The following DIS3L variants were observed in gnomAD, a reference collection of about 807,000 sequenced individuals.
DIS3L encodes the protein DIS3-like exonuclease 1.
Under a neutral mutation model 120.3 loss-of-function variants are expected in DIS3L, and 100 were observed. The ratio of observed to expected loss-of-function variants is 0.83; its 90% CI spans 0.71 to 0.98. The LOEUF (loss-of-function observed/expected upper bound fraction) is 0.98. DIS3L is among the 50% of genes least tolerant of loss of function. The probability of loss-of-function intolerance (pLI) is 0.00; values close to 1 mark genes in which losing one functional copy is unlikely to be tolerated. For synonymous variants in DIS3L, 426 were observed against 470.6 expected, an observed-to-expected ratio of 0.91 and a Z score of 1.23; for missense variants, 1,196 against 1,314.2, an observed-to-expected ratio of 0.91 and a Z score of 1.39.
rs915607458 is a variant in DIS3L at position 66,333,375 on chromosome 15, A to G, written c.*63A>G. 9.4e-6 allele frequency: 14 copies of G among 1,486,548 alleles called. No individual in the cohort carries two copies. Among genetic ancestry groups the G allele is most frequent in the Non-Finnish European group, 1.3e-5 (14 of 1,103,408 alleles). The allele number at this position is 1,486,548 out of a possible 1,614,324, so 92.1% of individuals were successfully genotyped here. A position where few individuals can be genotyped will look rare whatever the true frequency, so the allele number is the denominator to read the frequency against. On this transcript the variant is annotated 3_prime_UTR_variant, in exon 17 of 17. Transcript: ENST00000319212. The stretch of plus-strand genomic sequence containing the variant: ...GTTTTACAGTCTTTTCAAACTTAAC[A>G]TTTAATGTGTGTCACTCAGTGCTCT...
At chr15:66,300,855 G>A (rs59555233) in intron 2 of DIS3L, among the ~76,000 whole-genome samples, 2,487 of 152,318 alleles carry the variant, frequency 0.016, 65 homozygotes, top group African/African-American at 0.056. Context: ...GAAGGCAGTC[G>A]TTCAGATGGC....
intron 12 of DIS3L, among the ~76,000 whole-genome samples, chr15:66,327,523 C>A (rs183640854): frequency 1.3e-5 from 2 of 151,412 alleles, no homozygotes; most frequent in Non-Finnish European, 2.9e-5. Flanking sequence ...TTTGGGAGGC[C>A]GAGGCGGGCA....
At position 66,329,221 on chromosome 15, in the gene DIS3L, G is replaced by T. The variant is rs768398552; in HGVS notation, c.2357G>T (p.Gly786Val). 1.9e-6 allele frequency: 3 copies of T among 1,597,064 alleles called. No homozygotes were observed. The African/African-American group carries it at 4.1e-5, about 22-fold the overall frequency. ...TTGATCTTTTGCTTTCTTTTTGAAGGTCTTGCATTAGATAAATATACCCAC... is the reference window on the plus strand; with the variant it reads ...TTGATCTTTTGCTTTCTTTTTGAAGTTCTTGCATTAGATAAATATACCCAC... Reference protein sequence around the residue: ...SCAEEEFHHYGLALDKYTHFT... With the variant: ...SCAEEEFHHYVLALDKYTHFT... The change falls in exon 14 of 17, where the codon GGT (glycine) becomes GTT (valine). Residue 786 changes from glycine to valine, a missense_variant and splice_region_variant. Gly to Val is a moderately radical substitution (Grantham distance 109). Transcript: ENST00000319212.
At position 66,326,096 on chromosome 15, in the gene DIS3L, G is replaced by T; in HGVS notation, c.1933G>T (p.Gly645Ter). 6.2e-7 allele frequency: 1 copy of T among 1,614,164 alleles called. No individual in the cohort carries two copies. Among genetic ancestry groups the T allele is most frequent in the Non-Finnish European group, 8.5e-7 (1 of 1,180,022 alleles). The change falls in exon 12 of 17, where the codon GGA becomes TGA. Residue 645 changes from glycine to a stop codon, truncating the protein, a stop_gained. Coordinates refer to ENST00000319212, the MANE Select transcript of DIS3L (RefSeq NM_001143688.3). LOFTEE classifies it high-confidence loss of function. The part of the protein sequence containing the change: ...IARHVRAKRD[G>*]CGALELEGVE... ...TCGCCATGTCAGAGCTAAACGAGAC[G>T]GATGTGGTGCCCTGGAACTGGAAGG...
In DIS3L at chr15:66,316,616, G is replaced by A. The variant is rs759366358; in HGVS notation, c.994+1401G>A. ...GGGTCACTTGAGGTCAGGAGTTCGA[G>A]ACCAGCCTGGCCAACATGGTGAAAC... On this transcript the variant is annotated intron_variant, in intron 7 of 16. Transcript: ENST00000319212. Among the ~76,000 whole-genome samples, 8 of 152,262 alleles carry A rather than the reference G, an allele frequency of 5.3e-5. No individual in the cohort carries two copies. In the South Asian group the frequency reaches 6.2e-4, roughly 12 times the overall value.
chr15:66,315,178 G>A lies in DIS3L; in HGVS notation c.957G>A (p.Lys319=), dbSNP rs761641527. ...VALCENDCDD[K]ASGESPSEPM... ...TGTGTGAGAATGACTGTGACGACAAGGCTTCGGGCGAGTCCCCAAGTGAGC... is the reference window on the plus strand; with the variant it reads ...TGTGTGAGAATGACTGTGACGACAAAGCTTCGGGCGAGTCCCCAAGTGAGC... Residue 319 remains lysine (K), a synonymous_variant, in exon 7 of 17, where the codon AAG becomes AAA. Coordinates refer to ENST00000319212, the MANE Select transcript of DIS3L (RefSeq NM_001143688.3). 3 of 1,613,892 alleles carry A rather than the reference G, an allele frequency of 1.9e-6. No homozygotes were observed.
intron 2 of DIS3L, among the ~76,000 whole-genome samples, chr15:66,297,275 A>C (rs1255084786): frequency 6.6e-6 from 1 of 152,136 alleles, no homozygotes; most frequent in African/African-American, 2.4e-5. Flanking sequence ...AAGTTATTTG[A>C]CTTTTTTTAA....
intron 7 of DIS3L, 103 bp from the exon 8 acceptor site, chr15:66,318,346 G>A: frequency 1.6e-6 from 2 of 1,283,294 alleles, no homozygotes; most frequent in East Asian, 2.5e-5. Flanking sequence ...AAAAAAATAG[G>A]ACACTGTATT....
Position 66,332,810 on chromosome 15 carries a change from C to T in DIS3L, c.2756C>T (p.Ser919Phe). Residue 919 changes from serine (S) to phenylalanine (F), a missense_variant, in exon 16 of 17, where the codon TCT (serine) becomes TTT (phenylalanine). Transcript: ENST00000319212. ...LVISCGPDSCSEWKPGSLQRF... is the reference protein window; with the variant it reads ...LVISCGPDSCFEWKPGSLQRF... ...ATCTCATGTGGCCCAGATAGCTGTT[C>T]TGAATGGAAACCAGGATCCCTTCAA... 1 of 1,613,944 alleles carries T rather than the reference C, an allele frequency of 6.2e-7. No homozygotes were observed. Among genetic ancestry groups the T allele is most frequent in the Non-Finnish European group, 8.5e-7 (1 of 1,179,976 alleles).
At chr15:66,307,678 C>A (rs1419953780) in intron 3 of DIS3L, among the ~76,000 whole-genome samples, 1 of 152,180 alleles carries the variant, frequency 6.6e-6, no homozygotes, top group Admixed American at 6.5e-5. Flanking sequence ...AACACAGTGT[C>A]CTGATTTAAG....
rs183619666 is a variant in DIS3L at position 66,332,663 on chromosome 15, T to C, written c.2682-73T>C. 1.0e-5 allele frequency: 14 copies of C among 1,384,018 alleles called. No individual in the cohort carries two copies. The Admixed American group carries it at 3.0e-4, about 29-fold the overall frequency. The allele number at this position is 1,384,018 out of a possible 1,614,324, so 85.7% of individuals were successfully genotyped here. ...TTTTAATCTAGGAGAAAAACTAGTA[T>C]TCTAGATAAGCATACAAGATCTGTG... On this transcript the variant is annotated intron_variant, in intron 15 of 16. Transcript: ENST00000319212.
intron 2 of DIS3L, among the ~76,000 whole-genome samples, chr15:66,295,536 T>C (rs2092577096): frequency 6.6e-6 from 1 of 152,234 alleles, no homozygotes. Flanking sequence ...GAGTACTTTA[T>C]TTTTAAATTT....
chr15:66,298,111 G>A (rs778102480), intron 2 of DIS3L, among the ~76,000 whole-genome samples: 3 of 149,856 alleles, frequency 2.0e-5, no homozygotes, highest in Non-Finnish European at 3.0e-5. Flanking sequence ...CCCGGGAGGC[G>A]GAGGTTGTGG....
intron 12 of DIS3L, 76 bp from the exon 13 acceptor site, chr15:66,328,894 T>C (rs2092966163): frequency 1.4e-5 from 21 of 1,514,896 alleles, no homozygotes; most frequent in Non-Finnish European, 1.8e-5. Flanking sequence ...GACGGATGAG[T>C]GAAGGGTTCC....
chr15:66,326,420 T>C (rs752254282), intron 12 of DIS3L, 56 bp downstream of exon 12: 5 of 1,531,190 alleles, frequency 3.3e-6, no homozygotes, highest in South Asian at 1.2e-5. Flanking sequence ...TATTTAGTTA[T>C]CTTACAGTTG....
chr15:66,332,955 A>C lies in DIS3L; in HGVS notation c.2856+45A>C, dbSNP rs928283896. The C allele has an allele frequency of 1.9e-6, 3 of 1,580,272 alleles. No individual in the cohort carries two copies. In the Admixed American group the frequency reaches 5.5e-5, roughly 29 times the overall value. Reference sequence around the variant, plus strand: ...AAGTATTATTAATATTTTAAATGTAAGGAATAAATAATGTGATTTAGTAAT... The same window carrying C: ...AAGTATTATTAATATTTTAAATGTACGGAATAAATAATGTGATTTAGTAAT... On this transcript the variant is annotated intron_variant, in intron 16 of 16. Transcript: ENST00000319212.
chr15:66,314,037 A>G lies in DIS3L; in HGVS notation c.736-2A>G. On this transcript the variant is annotated splice_acceptor_variant, in intron 5 of 16. Transcript: ENST00000319212. LOFTEE classifies it high-confidence loss of function. ...TATTGATTTTTTAAATTATGATTTT[A>G]GGGAATTCTGAATGTCAACAAACAC... is the stretch of plus-strand genomic sequence containing the variant. The G allele has an allele frequency of 6.5e-7, 1 of 1,548,352 alleles. No individual in the cohort carries two copies. Among genetic ancestry groups the G allele is most frequent in the East Asian group, 2.4e-5 (1 of 41,740 alleles).
In DIS3L at chr15:66,326,297, C is replaced by T. The variant is rs2092937301; in HGVS notation, c.2134C>T (p.Pro712Ser). Residue 712 changes from proline (P) to serine (S), a missense_variant, in exon 12 of 17, where the codon CCA becomes TCA. By Grantham distance (74) the Pro-to-Ser change is moderately conservative. Coordinates refer to ENST00000319212, the MANE Select transcript of DIS3L (RefSeq NM_001143688.3). ...HQALLRQHPP[P>S]HQEFFSELRE... Reference sequence around the variant, plus strand: ...GGCCTTGCTGCGCCAGCACCCTCCTCCACACCAGGAGTTCTTTTCAGAACT... The same window carrying T: ...GGCCTTGCTGCGCCAGCACCCTCCTTCACACCAGGAGTTCTTTTCAGAACT... 2 of 1,614,050 alleles carry T rather than the reference C, an allele frequency of 1.2e-6. No individual in the cohort carries two copies. The highest frequency in any genetic ancestry group is 1.7e-5 in the Admixed American group (1 of 60,002).
Position 66,333,450 on chromosome 15 carries a change from G to A in DIS3L, c.*138G>A. The A allele has an allele frequency of 1.0e-6, 1 of 983,848 alleles. No individual in the cohort carries two copies. Among genetic ancestry groups the A allele is most frequent in the Middle Eastern group, 3.1e-4 (1 of 3,198 alleles). The allele number at this position is 983,848 out of a possible 1,614,324, so 60.9% of individuals were successfully genotyped here. ...TTCGCATATATGTAAAATGTTCTCA[G>A]CCGGGCACGGTGGCTCACGCCTGTA... is the stretch of plus-strand genomic sequence containing the variant. On this transcript the variant is annotated 3_prime_UTR_variant, in exon 17 of 17. Coordinates refer to ENST00000319212, the MANE Select transcript of DIS3L (RefSeq NM_001143688.3).
Sources: gnomAD v4.1 joint callset for allele counts (sites outside exome capture counted in the v4.1 genomes callset) on GRCh38, gnomAD v4.1.1 for gene constraint, MANE v1.5 for transcripts, NCBI Gene and HGNC (gene_info 2026-07-23, HGNC 2026-07-21) for gene names.